LY86: variants seen among roughly 807,000 people sequenced by gnomAD.
LY86 encodes the protein MD-1, RP105-associated.
LY86 carries 20 observed loss-of-function variants against 17.3 expected under a neutral mutation model. That is an observed-to-expected ratio of 1.15 (90% CI 0.81 to 1.68). The LOEUF (loss-of-function observed/expected upper bound fraction) is 1.68, where lower values mean the gene tolerates loss of function less well. Among genes scored for constraint, LY86 ranks in the 40% most tolerant of loss-of-function variants. The probability of loss-of-function intolerance (pLI) is 0.00; values close to 1 mark genes in which losing one functional copy is unlikely to be tolerated. For synonymous variants in LY86, 74 were observed against 70.6 expected (o/e 1.05, Z -0.24); for missense variants, 200 against 191.9 (o/e 1.04, Z -0.25).
intron 3 of LY86, among the ~76,000 whole-genome samples, 167 bp from the exon 4 acceptor site, chr6:6,649,458 G>A (rs5743650): frequency 6.6e-5 from 10 of 152,314 alleles, no homozygotes; most frequent in Non-Finnish European, 1.2e-4. Flanking sequence ...GAATGAATAA[G>A]TGAATGAATG....
rs1418344737 is a variant in LY86 at position 6,598,926 on chromosome 6, ATTC to A, written c.136+10058_136+10060del. Among the ~76,000 whole-genome samples the A allele has an allele frequency of 3.3e-5, 5 of 152,198 alleles. No homozygotes were observed. In the East Asian group the frequency reaches 9.6e-4, roughly 29 times the overall value. On this transcript the variant is annotated intron_variant, in intron 1 of 4. Transcript: ENST00000230568. ...CATTGACCTGTCTTTCCATTTGTATATTCTGTGCCATCACTGGAGCTGATTTGA... is the reference window on the plus strand; with the variant it reads ...CATTGACCTGTCTTTCCATTTGTATATGTGCCATCACTGGAGCTGATTTGA...
intron 3 of LY86, among the ~76,000 whole-genome samples, chr6:6,639,339 C>G (rs1302799402): frequency 6.6e-6 from 1 of 151,758 alleles, no homozygotes; most frequent in Non-Finnish European, 1.5e-5. Context: ...AAGCCACAAG[C>G]CTTGTCCCTT....
chr6:6,618,287 T>C (rs772900164), intron 1 of LY86, among the ~76,000 whole-genome samples: 2 of 152,222 alleles, frequency 1.3e-5, no homozygotes, highest in Non-Finnish European at 2.9e-5. Context: ...CTCATGTTTA[T>C]ATCATGATAG....
At chr6:6,645,609 T>C (rs1356348932) in intron 3 of LY86, among the ~76,000 whole-genome samples, 2 of 151,904 alleles carry the variant, frequency 1.3e-5, no homozygotes, top group African/African-American at 4.8e-5. Context: ...GCACAATTTG[T>C]AGAATATACC....
intron 3 of LY86, among the ~76,000 whole-genome samples, chr6:6,637,683 C>T (rs952804848): frequency 6.6e-5 from 10 of 152,126 alleles, no homozygotes; most frequent in African/African-American, 2.2e-4. Flanking sequence ...ATCCCGAGAG[C>T]CCTGAGTGTG....
At chr6:6,605,373 G>T (rs970679905) in intron 1 of LY86, among the ~76,000 whole-genome samples, 34 of 152,222 alleles carry the variant, frequency 2.2e-4, no homozygotes, top group Non-Finnish European at 3.1e-4. Flanking sequence ...CTTGGCTGGG[G>T]GAGCAGCTGC....
chr6:6,654,086 C>A (rs954981128), intron 4 of LY86, among the ~76,000 whole-genome samples: 1 of 151,992 alleles, frequency 6.6e-6, no homozygotes, highest in Non-Finnish European at 1.5e-5. Context: ...TTACCTCACC[C>A]CCCCCATCCC....
chr6:6,619,626 A>C lies in LY86; in HGVS notation c.137-5300A>C, dbSNP rs75758125. Among the ~76,000 whole-genome samples the C allele has an allele frequency of 4.1e-3, 623 of 152,330 alleles. 4 individuals carry two copies. The highest frequency in any genetic ancestry group is 6.9e-3 in the Non-Finnish European group (472 of 68,026). On this transcript the variant is annotated intron_variant, in intron 1 of 4. Coordinates refer to ENST00000230568, the MANE Select transcript of LY86 (RefSeq NM_004271.4). ...CGCAGGTCGTGCCTCTATTGGAAGC[A>C]TGCTTGTAATACCTAACATCCTCCT... is the stretch of plus-strand genomic sequence containing the variant.
intron 3 of LY86, among the ~76,000 whole-genome samples, chr6:6,640,705 T>A (rs1342874848): frequency 6.6e-6 from 1 of 151,484 alleles, no homozygotes; most frequent in Non-Finnish European, 1.5e-5. Flanking sequence ...CAGAGTGAGA[T>A]TTCTCTCTAA....
intron 1 of LY86, among the ~76,000 whole-genome samples, chr6:6,616,987 G>A (rs1761571009): frequency 6.6e-6 from 1 of 152,234 alleles, no homozygotes; most frequent in African/African-American, 2.4e-5. Context: ...CTTAGAAGGA[G>A]TGGTGAAATC....
intron 3 of LY86, among the ~76,000 whole-genome samples, chr6:6,627,726 C>T (rs1364388558): frequency 6.6e-6 from 1 of 152,156 alleles, no homozygotes; most frequent in Non-Finnish European, 1.5e-5. Flanking sequence ...GTTCTAAGAG[C>T]TTTAGACCCA....
chr6:6,613,838 C>A (rs561557390), intron 1 of LY86, among the ~76,000 whole-genome samples: 1 of 152,306 alleles, frequency 6.6e-6, no homozygotes, highest in East Asian at 1.9e-4. Flanking sequence ...GATGGTTTAT[C>A]CGCCTTCCTT....
At chr6:6,595,241 A>G (rs181763554) in intron 1 of LY86, among the ~76,000 whole-genome samples, 7 of 150,040 alleles carry the variant, frequency 4.7e-5, no homozygotes, top group African/African-American at 1.5e-4. Flanking sequence ...GGAGGAGGGA[A>G]GAGAACAAGA....
chr6:6,637,022 T>TTTTTTG (rs1761970017), intron 3 of LY86, among the ~76,000 whole-genome samples: 1 of 149,484 alleles, frequency 6.7e-6, no homozygotes, highest in Non-Finnish European at 1.5e-5. Context: ...TTTTTTTTTT[T>TTTTTTG]TTTAATGAGA....
intron 1 of LY86, among the ~76,000 whole-genome samples, chr6:6,600,571 CAG>C (rs1334563482): frequency 1.7e-5 from 2 of 120,456 alleles, no homozygotes; most frequent in East Asian, 5.2e-4. Context: ...GCCTGAGAGA[CAG>C]AGTGAGACTC....
intron 1 of LY86, among the ~76,000 whole-genome samples, chr6:6,618,944 G>A (rs1581244795): frequency 6.6e-6 from 1 of 152,214 alleles, no homozygotes; most frequent in East Asian, 1.9e-4. Context: ...GGGAGTATGA[G>A]GGGAGGAGGA....
intron 1 of LY86, among the ~76,000 whole-genome samples, chr6:6,613,307 C>G (rs375132014): frequency 1.3e-5 from 2 of 152,222 alleles, no homozygotes; most frequent in South Asian, 4.1e-4. Context: ...GTCTAGGGGA[C>G]GGAGCGCTAT....
chr6:6,601,143 C>CA (rs931959266), intron 1 of LY86, among the ~76,000 whole-genome samples: 1 of 151,986 alleles, frequency 6.6e-6, no homozygotes, highest in Non-Finnish European at 1.5e-5. Context: ...GAGTCAATAA[C>CA]AAAAACAATG....
chr6:6,596,221 AG>A (rs2113079005), intron 1 of LY86, among the ~76,000 whole-genome samples: 1 of 152,324 alleles, frequency 6.6e-6, no homozygotes, highest in East Asian at 1.9e-4. Context: ...TACAGAATAG[AG>A]GGTAAGCTGC....
Sources: gnomAD v4.1 joint callset for allele counts (sites outside exome capture counted in the v4.1 genomes callset) on GRCh38, gnomAD v4.1.1 for gene constraint, MANE v1.5 for transcripts, NCBI Gene and HGNC (gene_info 2026-07-23, HGNC 2026-07-21) for gene names.